Variants in C12orf56 observed in about 807,000 individuals in gnomAD.
C12orf56 encodes uncharacterized protein C12orf56.
Under a neutral mutation model 69.9 loss-of-function variants are expected in C12orf56, and 71 were observed. The ratio of observed to expected loss-of-function variants is 1.02; its 90% CI spans 0.84 to 1.24. The LOEUF is 1.24. Among genes scored for constraint, C12orf56 ranks in the 50% most tolerant of loss-of-function variants. C12orf56 has a pLI of 0.00. For synonymous variants in C12orf56, 276 were observed against 274.1 expected (o/e 1.01, Z -0.07); for missense variants, 732 against 738.5 (o/e 0.99, Z 0.10).
At chr12:64,271,522 C>T (rs1345525765) in intron 11 of C12orf56, among the ~76,000 whole-genome samples, 1 of 152,130 alleles carries the variant, frequency 6.6e-6, no homozygotes, top group African/African-American at 2.4e-5. Context: ...AACACTAGTG[C>T]CTTTTCAAAC....
chr12:64,303,601 A>G, intron 6 of C12orf56, 34 bp downstream of exon 6: 5 of 1,461,218 alleles, frequency 3.4e-6, no homozygotes, highest in Non-Finnish European at 4.6e-6. Context: ...GGAAACACAA[A>G]CTTTAAAGAT....
At chr12:64,300,780 T>C (rs537706096) in intron 6 of C12orf56, among the ~76,000 whole-genome samples, 75 of 152,360 alleles carry the variant, frequency 4.9e-4, no homozygotes, top group African/African-American at 1.7e-3. Context: ...CTCTCACCTT[T>C]GGGCACTGTG....
intron 1 of C12orf56, chr12:64,388,975 G>A (rs973615132): frequency 1.3e-5 from 2 of 151,324 alleles, no homozygotes; most frequent in African/African-American, 4.9e-5. Context: ...GTTCACAAAG[G>A]TATTCCGAGT....
chr12:64,275,610 A>G (rs1565734235), intron 9 of C12orf56, among the ~76,000 whole-genome samples: 1 of 152,104 alleles, frequency 6.6e-6, no homozygotes, highest in East Asian at 1.9e-4. Context: ...CTACAGGTGC[A>G]AGCTACCATG....
At chr12:64,337,881 G>T (rs2039018317) in intron 2 of C12orf56, among the ~76,000 whole-genome samples, 1 of 148,314 alleles carries the variant, frequency 6.7e-6, no homozygotes, top group African/African-American at 2.5e-5. Flanking sequence ...AAAACACCAG[G>T]ACATAAATTT....
At chr12:64,272,018 T>G (rs1161294241) in intron 11 of C12orf56, among the ~76,000 whole-genome samples, 1 of 152,174 alleles carries the variant, frequency 6.6e-6, no homozygotes, top group African/African-American at 2.4e-5. Context: ...AGCCTCATAC[T>G]CAACCCAATT....
intron 1 of C12orf56, among the ~76,000 whole-genome samples, chr12:64,359,062 C>T (rs768871068): frequency 5.9e-5 from 9 of 152,156 alleles, no homozygotes; most frequent in Non-Finnish European, 1.3e-4. Flanking sequence ...TTTGACCTTT[C>T]TCTGAAGCAG....
chr12:64,359,914 C>T (rs1367549046), intron 1 of C12orf56, among the ~76,000 whole-genome samples: 2 of 151,860 alleles, frequency 1.3e-5, no homozygotes, highest in Non-Finnish European at 2.9e-5. Context: ...GGGGTTTCAC[C>T]ATGTTGGCCA....
At chr12:64,268,988 T>G (rs571490018) in intron 12 of C12orf56, among the ~76,000 whole-genome samples, 2 of 152,048 alleles carry the variant, frequency 1.3e-5, no homozygotes, top group South Asian at 4.2e-4. Context: ...ATACAAAAAT[T>G]AGCTAGGCGT....
chr12:64,323,832 CTT>C (rs1414689793), intron 3 of C12orf56, among the ~76,000 whole-genome samples: 1 of 152,108 alleles, frequency 6.6e-6, no homozygotes, highest in Admixed American at 6.6e-5. Flanking sequence ...CTAAAAACCT[CTT>C]TTATTTTTCT....
Position 64,360,511 on chromosome 12 carries a change from T to C in C12orf56, c.253-7455A>G, listed in dbSNP as rs532860964. On this transcript the variant is annotated intron_variant, in intron 1 of 12. Transcript: ENST00000543942. ...TATAGATAATAGGTAGGTAGGTAGA[T>C]AGATGATAGATAGATGATAGATAGA... 9.0e-4 allele frequency among the ~76,000 whole-genome samples: 137 copies of C among 152,052 alleles called. 1 individual carries two copies. Among genetic ancestry groups the C allele is most frequent in the Non-Finnish European group, 1.6e-3 (106 of 67,992 alleles).
intron 4 of C12orf56, among the ~76,000 whole-genome samples, chr12:64,316,376 G>T (rs1423453204): frequency 6.6e-6 from 1 of 152,096 alleles, no homozygotes; most frequent in East Asian, 1.9e-4. Context: ...GGGATTATGG[G>T]CATGAGGCAC....
rs777790895 is a variant in C12orf56, at chr12:64,275,289, A to AAATTTTT, written c.1509+8_1509+9insAAAAATT. The AAATTTTT allele has an allele frequency of 7.7e-7, 1 of 1,305,766 alleles. No individual in the cohort carries two copies. The highest frequency in any genetic ancestry group is 1.5e-5 in the African/African-American group (1 of 66,804). The allele number at this position is 1,305,766 out of a possible 1,614,324, so 80.9% of individuals were successfully genotyped here. ...AAATATGTAAAAATATAATTTTTAAAAATTGTACCTGCTGAAAGACCAGAA... is the reference window on the plus strand; with the variant it reads ...AAATATGTAAAAATATAATTTTTAAAAATTTTTAATTGTACCTGCTGAAAGACCAGAA... On this transcript the variant is annotated intron_variant, in intron 10 of 12. Transcript: ENST00000543942.
At chr12:64,357,903 A>AAAAAAT (rs2039341500) in intron 1 of C12orf56, among the ~76,000 whole-genome samples, 1 of 150,324 alleles carries the variant, frequency 6.7e-6, no homozygotes, top group Non-Finnish European at 1.5e-5. Flanking sequence ...CCATCTCAAA[A>AAAAAAT]AAAAAGAAAA....
intron 1 of C12orf56, among the ~76,000 whole-genome samples, chr12:64,361,133 C>T (rs181927542): frequency 4.0e-4 from 61 of 152,166 alleles, no homozygotes; most frequent in African/African-American, 1.4e-3. Flanking sequence ...GCAGGAGAAT[C>T]GCTTGAACCC....
intron 5 of C12orf56, among the ~76,000 whole-genome samples, chr12:64,308,202 G>T (rs902010219): frequency 1.3e-5 from 2 of 152,060 alleles, no homozygotes; most frequent in Non-Finnish European, 2.9e-5. Context: ...CACATCTGTA[G>T]TCCCAGCTAC....
intron 12 of C12orf56, chr12:64,267,612 A>C: frequency 3.9e-6 from 1 of 259,304 alleles, no homozygotes; most frequent in South Asian, 5.6e-5. Flanking sequence ...TGAAAGGGTC[A>C]AGCTGTGGTG....
intron 1 of C12orf56, among the ~76,000 whole-genome samples, chr12:64,383,590 T>G (rs992610514): frequency 2.0e-5 from 3 of 152,094 alleles, no homozygotes; most frequent in African/African-American, 7.2e-5. Context: ...TTGGCCAGGC[T>G]GGTCTTAAAC....
At chr12:64,369,207 CT>C (rs990072922) in intron 1 of C12orf56, among the ~76,000 whole-genome samples, 4 of 149,256 alleles carry the variant, frequency 2.7e-5, no homozygotes, top group African/African-American at 7.4e-5. Flanking sequence ...AGTTAAATGT[CT>C]TTTTTTTTAG....
Sources: gnomAD v4.1 joint callset for allele counts (sites outside exome capture counted in the v4.1 genomes callset) on GRCh38, gnomAD v4.1.1 for gene constraint, MANE v1.5 for transcripts, NCBI Gene and HGNC (gene_info 2026-07-23, HGNC 2026-07-21) for gene names.